The following LEPR variants were observed in gnomAD, a reference collection of about 807,000 sequenced individuals.
The protein encoded by LEPR is leptin receptor, also known as OB receptor.
In LEPR, 56 loss-of-function variants were observed where a neutral mutation model predicts 114.7. The ratio of observed to expected loss-of-function variants is 0.49; its 90% CI spans 0.39 to 0.61. The LOEUF is 0.61. LEPR is among the 20% of genes least tolerant of loss of function. The pLI is 0.00. For missense variants in LEPR, 1,202 were observed against 1,352.9 expected, an observed-to-expected ratio of 0.89 and a Z score of 1.75; for synonymous variants, 443 against 461.4, an observed-to-expected ratio of 0.96 and a Z score of 0.51.
intron 2 of LEPR, among the ~76,000 whole-genome samples, chr1:65,552,977 C>A (rs1310270178): frequency 6.6e-6 from 1 of 152,124 alleles, no homozygotes; most frequent in East Asian, 1.9e-4. Context: ...ACTTATGAAG[C>A]TTAATTTGGC....
At chr1:65,446,210 T>C (rs1570463074) in intron 2 of LEPR, among the ~76,000 whole-genome samples, 2 of 152,224 alleles carry the variant, frequency 1.3e-5, no homozygotes, top group East Asian at 3.8e-4. Flanking sequence ...CTGTACAATT[T>C]TGCATTCCAA....
At chr1:65,463,965 T>C (rs1646978243) in intron 2 of LEPR, among the ~76,000 whole-genome samples, 1 of 152,226 alleles carries the variant, frequency 6.6e-6, no homozygotes, top group South Asian at 2.1e-4. Flanking sequence ...TCATGTCATC[T>C]GCAAACAGAG....
chr1:65,555,403 C>T (rs992789354), intron 2 of LEPR, among the ~76,000 whole-genome samples: 6 of 152,144 alleles, frequency 3.9e-5, no homozygotes, highest in Non-Finnish European at 5.9e-5. Flanking sequence ...TCATGTGGTG[C>T]GGTGACTTGA....
chr1:65,634,762 T>A (rs1023261137), intron 19 of LEPR: 8 of 920,414 alleles, frequency 8.7e-6, no homozygotes, highest in Non-Finnish European at 1.0e-5. Context: ...AATCTTAATA[T>A]GTAGGTTCAT....
chr1:65,426,713 A>G (rs953359951), intron 2 of LEPR, among the ~76,000 whole-genome samples: 3 of 152,144 alleles, frequency 2.0e-5, no homozygotes, highest in African/African-American at 7.2e-5. Context: ...AGATGATGTG[A>G]TTAGGCCAGG....
chr1:65,496,985 T>C (rs907919278), intron 2 of LEPR, among the ~76,000 whole-genome samples: 3 of 95,410 alleles, frequency 3.1e-5, no homozygotes, highest in African/African-American at 8.3e-5. Context: ...AGTGTTCATA[T>C]ACATATATAT....
At chr1:65,495,692 T>C (rs1177570872) in intron 2 of LEPR, among the ~76,000 whole-genome samples, 1 of 152,180 alleles carries the variant, frequency 6.6e-6, no homozygotes. Context: ...ATGTGGTATA[T>C]GTATACATGA....
At chr1:65,548,694 A>G (rs886338480) in intron 2 of LEPR, among the ~76,000 whole-genome samples, 3 of 151,938 alleles carry the variant, frequency 2.0e-5, no homozygotes, top group Non-Finnish European at 4.4e-5. Flanking sequence ...TTTTGAGCCT[A>G]TGTGTGTCTC....
intron 18 of LEPR, among the ~76,000 whole-genome samples, chr1:65,622,147 A>C (rs189509791): frequency 6.7e-6 from 1 of 148,718 alleles, no homozygotes; most frequent in Non-Finnish European, 1.5e-5. Context: ...TTAGTTTTTT[A>C]AAAAAAATGT....
intron 2 of LEPR, among the ~76,000 whole-genome samples, chr1:65,446,121 G>T (rs1646710994): frequency 6.6e-6 from 1 of 152,294 alleles, no homozygotes; most frequent in African/African-American, 2.4e-5. Flanking sequence ...GGGTAAATAT[G>T]TAGGAGCTGG....
rs1377256602 is a variant in LEPR, at chr1:65,636,662, C to G, written c.3145C>G (p.Pro1049Ala). The G allele has an allele frequency of 6.2e-7, 1 of 1,610,040 alleles. No homozygotes were observed. The highest frequency in any genetic ancestry group is 8.5e-7 in the Non-Finnish European group (1 of 1,177,530). The change falls in exon 20 of 20, where the codon CCA becomes GCA. Residue 1049 changes from proline to alanine, a missense_variant. Transcript: ENST00000349533. ...LSDQHPNIIS[P>A]HLTFSEGLDE... ...AGATCAGCATCCCAACATAATTTCA[C>G]CACACCTCACATTCTCAGAAGGATT...
chr1:65,628,773 C>T (rs2101031334), intron 19 of LEPR, among the ~76,000 whole-genome samples: 1 of 152,082 alleles, frequency 6.6e-6, no homozygotes, highest in African/African-American at 2.4e-5. Context: ...GTATATGTCT[C>T]TTTGTTCTCT....
At chr1:65,634,363 G>C in intron 19 of LEPR, 3 of 974,066 alleles carry the variant, frequency 3.1e-6, no homozygotes, top group Non-Finnish European at 3.7e-6. Flanking sequence ...TAAAATCTAA[G>C]TATGAAATTA....
chr1:65,628,087 C>T (rs1227021695), intron 19 of LEPR, among the ~76,000 whole-genome samples: 1 of 151,948 alleles, frequency 6.6e-6, no homozygotes, highest in African/African-American at 2.4e-5. Context: ...GAATGTATTT[C>T]TAAAAGAAAA....
intron 11 of LEPR, 115 bp downstream of exon 11, chr1:65,605,352 T>A (rs1272455153): frequency 1.1e-5 from 15 of 1,317,286 alleles, no homozygotes; most frequent in Non-Finnish European, 1.4e-5. Flanking sequence ...GAAAAAAAAA[T>A]TGTTCCTGTT....
At chr1:65,522,707 A>T (rs1205023178) in intron 2 of LEPR, among the ~76,000 whole-genome samples, 1 of 152,106 alleles carries the variant, frequency 6.6e-6, no homozygotes, top group Non-Finnish European at 1.5e-5. Flanking sequence ...AGTAACTATA[A>T]TTTCAGTCAT....
At chr1:65,573,317 G>C (rs1455213557) in intron 5 of LEPR, among the ~76,000 whole-genome samples, 1 of 152,204 alleles carries the variant, frequency 6.6e-6, no homozygotes, top group Non-Finnish European at 1.5e-5. Flanking sequence ...TGCAGGTATA[G>C]GTGGGCATGT....
chr1:65,584,534 G>T (rs1655195195), intron 5 of LEPR, among the ~76,000 whole-genome samples: 1 of 151,996 alleles, frequency 6.6e-6, no homozygotes, highest in South Asian at 2.1e-4. Context: ...TTCTTCTCCA[G>T]CAGTGAGAAA....
At chr1:65,546,625 A>G (rs1323505445) in intron 2 of LEPR, among the ~76,000 whole-genome samples, 16 of 152,202 alleles carry the variant, frequency 1.1e-4, no homozygotes, top group Non-Finnish European at 1.8e-4. Flanking sequence ...TTATTGGTGT[A>G]TAAGAATGCT....
Sources: allele counts gnomAD v4.1 joint callset (sites outside exome capture counted in the v4.1 genomes callset), GRCh38; gene constraint gnomAD v4.1.1; transcripts MANE v1.5; gene names NCBI Gene and HGNC (gene_info 2026-07-23, HGNC 2026-07-21).